Variants in SLC5A8 observed in about 807,000 individuals in gnomAD.
SLC5A8 encodes the protein solute carrier family 5 member 8.
Under a neutral mutation model 71.9 loss-of-function variants are expected in SLC5A8, and 55 were observed. The ratio of observed to expected loss-of-function variants is 0.77; its 90% CI spans 0.62 to 0.96. SLC5A8 has a LOEUF of 0.96. Among genes scored for constraint, SLC5A8 ranks in the 40% least tolerant of loss-of-function variants. The pLI is 0.00. For synonymous variants in SLC5A8, 307 were observed against 276.1 expected (o/e 1.11, Z -1.11); for missense variants, 701 against 745.3 (o/e 0.94, Z 0.69).
intron 3 of SLC5A8, among the ~76,000 whole-genome samples, chr12:101,199,905 G>A (rs1869363867): frequency 1.3e-5 from 2 of 150,410 alleles, no homozygotes; most frequent in African/African-American, 2.4e-5. Flanking sequence ...GAATGTTCTT[G>A]GCACCCTTAC....
chr12:101,160,046 G>T (rs1258482223), intron 13 of SLC5A8, among the ~76,000 whole-genome samples: 1 of 152,160 alleles, frequency 6.6e-6, no homozygotes, highest in Non-Finnish European at 1.5e-5. Context: ...GCCGGGCGTG[G>T]TGGTGCGTGC....
chr12:101,157,741 G>C (rs1396157905), intron 14 of SLC5A8, among the ~76,000 whole-genome samples: 1 of 151,986 alleles, frequency 6.6e-6, no homozygotes, highest in Admixed American at 6.6e-5. Context: ...GGTTATCAGA[G>C]GATAGACAGA....
chr12:101,209,478 CAG>C lies in SLC5A8; in HGVS notation c.351+18_351+19del. The C allele has an allele frequency of 1.7e-3, 2,379 of 1,414,346 alleles. No homozygotes were observed. Among genetic ancestry groups the C allele is most frequent in the Non-Finnish European group, 2.1e-3 (2,171 of 1,023,724 alleles). The allele number at this position is 1,414,346 out of a possible 1,614,324, so 87.6% of individuals were successfully genotyped here. ...CCTTCCCCCGCGCCCTGCATGGTCCCAGCCCACCCTGCCCCTTACCTCGTAGG... is the reference window on the plus strand; with the variant it reads ...CCTTCCCCCGCGCCCTGCATGGTCCCCCCACCCTGCCCCTTACCTCGTAGG... On this transcript the variant is annotated intron_variant, in intron 1 of 14. Coordinates refer to ENST00000536262, the MANE Select transcript of SLC5A8 (RefSeq NM_145913.5).
chr12:101,165,038 G>A (rs986685463), intron 12 of SLC5A8, among the ~76,000 whole-genome samples: 1 of 152,036 alleles, frequency 6.6e-6, no homozygotes, highest in African/African-American at 2.4e-5. Context: ...TGAGTTTATT[G>A]TTTTGCGTAT....
At chr12:101,175,664 C>T (rs2051873484) in intron 10 of SLC5A8, among the ~76,000 whole-genome samples, 1 of 151,940 alleles carries the variant, frequency 6.6e-6, no homozygotes, top group African/African-American at 2.4e-5. Context: ...TGACTCCTTA[C>T]CTGTAAGGGA....
chr12:101,176,633 A>T lies in SLC5A8; in HGVS notation c.1233+3396T>A, dbSNP rs550853971. On this transcript the variant is annotated intron_variant, in intron 10 of 14. Transcript: ENST00000536262. The stretch of plus-strand genomic sequence containing the variant: ...CAAACTAGTAATCAATAACAGAAAG[A>T]TAACAGGAAAATCTTTGAATACTTG... 1.6e-4 allele frequency among the ~76,000 whole-genome samples: 24 copies of T among 152,240 alleles called. 2 individuals are homozygous for T. The highest frequency in any genetic ancestry group is 5.5e-4 in the African/African-American group (23 of 41,572).
At chr12:101,187,639 A>G (rs1254714958) in intron 6 of SLC5A8, 124 bp from the exon 7 acceptor site, 14 of 1,037,628 alleles carry the variant, frequency 1.3e-5, no homozygotes, top group Non-Finnish European at 1.9e-5. Context: ...TTATCTTTTG[A>G]TTATCGAAAA....
chr12:101,162,608 C>T (rs2051734496), intron 12 of SLC5A8, among the ~76,000 whole-genome samples: 1 of 152,184 alleles, frequency 6.6e-6, no homozygotes, highest in Non-Finnish European at 1.5e-5. Context: ...ATGGATGCAG[C>T]TGGAGGCCAT....
rs1188834796 is a variant in SLC5A8, at chr12:101,186,552, A to G, written c.963+834T>C. On this transcript the variant is annotated intron_variant, in intron 7 of 14. Coordinates refer to ENST00000536262, the MANE Select transcript of SLC5A8 (RefSeq NM_145913.5). ...TTCTAGTTCCCCTTTTTGAAAGACA[A>G]TAAATGGCACAGAGGTTCAAAGTTA... Among the ~76,000 whole-genome samples, 3 of 152,168 alleles carry G rather than the reference A, an allele frequency of 2.0e-5. No individual in the cohort carries two copies. In the East Asian group the frequency reaches 5.8e-4, roughly 29 times the overall value.
chr12:101,159,146 T>C (rs913867903), intron 13 of SLC5A8, among the ~76,000 whole-genome samples: 1 of 152,138 alleles, frequency 6.6e-6, no homozygotes, highest in African/African-American at 2.4e-5. Flanking sequence ...GTAGGACCCC[T>C]GAAGCCTGAT....
chr12:101,186,446 G>T (rs1028729897), intron 7 of SLC5A8, among the ~76,000 whole-genome samples: 1 of 152,172 alleles, frequency 6.6e-6, no homozygotes, highest in Non-Finnish European at 1.5e-5. Context: ...GAATCCCCTA[G>T]GAACTTGTTC....
At chr12:101,191,461 C>T (rs1476738376) in intron 5 of SLC5A8, among the ~76,000 whole-genome samples, 1 of 152,100 alleles carries the variant, frequency 6.6e-6, no homozygotes, top group African/African-American at 2.4e-5. Context: ...TGTATTCTGG[C>T]ATTCTTATGG....
chr12:101,157,199 C>G lies in SLC5A8; in HGVS notation c.*80G>C. On this transcript the variant is annotated 3_prime_UTR_variant, in exon 15 of 15. Transcript: ENST00000536262. ...TCATGATACAACACACACACACACACAAAGAAAACCTGATCCAATTATCTT... is the reference window on the plus strand; with the variant it reads ...TCATGATACAACACACACACACACAGAAAGAAAACCTGATCCAATTATCTT... The G allele has an allele frequency of 6.5e-7, 1 of 1,537,606 alleles. No homozygotes were observed. The highest frequency in any genetic ancestry group is 1.8e-5 in the Admixed American group (1 of 54,274).
At chr12:101,188,972 C>G (rs1868779805) in intron 6 of SLC5A8, among the ~76,000 whole-genome samples, 1 of 152,132 alleles carries the variant, frequency 6.6e-6, no homozygotes, top group Non-Finnish European at 1.5e-5. Flanking sequence ...GGTTTTTTAG[C>G]AGGGATTCAT....
intron 13 of SLC5A8, among the ~76,000 whole-genome samples, chr12:101,160,403 G>C (rs2051713387): frequency 6.6e-6 from 1 of 152,174 alleles, no homozygotes. Context: ...TGCTATCTCA[G>C]TGCCAAAAAA....
chr12:101,190,015 G>T (rs898327970), intron 6 of SLC5A8, among the ~76,000 whole-genome samples: 6 of 152,126 alleles, frequency 3.9e-5, no homozygotes, highest in Non-Finnish European at 5.9e-5. Flanking sequence ...TTAGAGCAGG[G>T]TTATAAATCC....
At chr12:101,160,918 A>G (rs2137120952) in intron 13 of SLC5A8, among the ~76,000 whole-genome samples, 1 of 152,264 alleles carries the variant, frequency 6.6e-6, no homozygotes, top group East Asian at 1.9e-4. Flanking sequence ...AATAGAAATA[A>G]AAAGGAAGAA....
At chr12:101,166,353 A>G in intron 12 of SLC5A8, 141 bp downstream of exon 12, 1 of 628,726 alleles carries the variant, frequency 1.6e-6, no homozygotes, top group Non-Finnish European at 2.6e-6. Flanking sequence ...TGCAGAAAAT[A>G]CTATAGCTAA....
In SLC5A8 at chr12:101,203,157, T is replaced by C. The variant is rs189421858; in HGVS notation, c.418-942A>G. ...CTCTAACAAAGATCCAATGAGGTTC[T>C]GAACAGTTGGTGAATGCAAGCTACC... On this transcript the variant is annotated intron_variant, in intron 2 of 14. Coordinates refer to ENST00000536262, the MANE Select transcript of SLC5A8 (RefSeq NM_145913.5). Among the ~76,000 whole-genome samples, 226 of 152,372 alleles carry C rather than the reference T, an allele frequency of 1.5e-3. 1 individual carries two copies. The highest frequency in any genetic ancestry group is 5.1e-3 in the African/African-American group (213 of 41,590).
Sources: gnomAD v4.1 joint callset for allele counts (sites outside exome capture counted in the v4.1 genomes callset) on GRCh38, gnomAD v4.1.1 for gene constraint, MANE v1.5 for transcripts, NCBI Gene and HGNC (gene_info 2026-07-23, HGNC 2026-07-21) for gene names.